The following NCALD variants were observed in gnomAD, a reference collection of about 807,000 sequenced individuals.
NCALD encodes neurocalcin-delta.
In NCALD, 10 loss-of-function variants were observed where a neutral mutation model predicts 18.6. The observed-to-expected ratio is 0.54, with a 90% CI of 0.33 to 0.91. The LOEUF is 0.91. Ranked by LOEUF, NCALD falls within the 40% of genes least tolerant of loss-of-function variation. The pLI is 0.03. For synonymous variants in NCALD, 88 were observed against 87.4 expected (o/e 1.01, Z -0.04); for missense variants, 184 against 247.6 (o/e 0.74, Z 1.72).
At chr8:101,824,097 A>T (rs1041684187) in intron 4 of NCALD, among the ~76,000 whole-genome samples, 1 of 152,248 alleles carries the variant, frequency 6.6e-6, no homozygotes, top group African/African-American at 2.4e-5. Context: ...CTCAAAGAAT[A>T]AGGGAAGAAC....
At chr8:102,054,927 C>T (rs1323001709) in intron 1 of NCALD, among the ~76,000 whole-genome samples, 1 of 152,128 alleles carries the variant, frequency 6.6e-6, no homozygotes, top group African/African-American at 2.4e-5. Context: ...TCAGAACCAT[C>T]AGATAGGGTG....
chr8:102,044,452 GAAGA>G (rs1391549154), intron 1 of NCALD, among the ~76,000 whole-genome samples: 1 of 152,140 alleles, frequency 6.6e-6, no homozygotes, highest in Non-Finnish European at 1.5e-5. Context: ...TAGCAAGCAA[GAAGA>G]GAGATGGTAT....
intron 4 of NCALD, among the ~76,000 whole-genome samples, chr8:101,802,679 G>C (rs919330717): frequency 6.6e-6 from 1 of 152,080 alleles, no homozygotes; most frequent in Non-Finnish European, 1.5e-5. Context: ...GCCAAAGTCT[G>C]TTCTTAAGCC....
chr8:101,984,660 G>C (rs1820737490), intron 2 of NCALD, among the ~76,000 whole-genome samples: 1 of 152,180 alleles, frequency 6.6e-6, no homozygotes, highest in East Asian at 1.9e-4. Flanking sequence ...CAAGCCAAGA[G>C]CTACCAAATG....
chr8:101,820,213 T>A (rs1250941558), intron 4 of NCALD, among the ~76,000 whole-genome samples: 1 of 152,204 alleles, frequency 6.6e-6, no homozygotes, highest in Non-Finnish European at 1.5e-5. Context: ...TTGCCTTTAA[T>A]AAAAATATAG....
chr8:102,036,326 A>AAT (rs967638552), intron 1 of NCALD, among the ~76,000 whole-genome samples: 3 of 151,424 alleles, frequency 2.0e-5, no homozygotes, highest in African/African-American at 4.8e-5. Context: ...AATAATACTT[A>AAT]ATATATATAT....
chr8:101,728,953 C>T (rs1816694460), intron 1 of NCALD, among the ~76,000 whole-genome samples: 3 of 152,208 alleles, frequency 2.0e-5, no homozygotes, highest in Non-Finnish European at 4.4e-5. Flanking sequence ...GGAGACACAA[C>T]TTAAAAAATG....
At chr8:102,006,156 A>C (rs1419295996) in intron 2 of NCALD, among the ~76,000 whole-genome samples, 1 of 152,164 alleles carries the variant, frequency 6.6e-6, no homozygotes, top group Non-Finnish European at 1.5e-5. Flanking sequence ...CTCAGATGGC[A>C]CTTCTTTTCT....
chr8:101,694,027 A>G (rs929247192), intron 2 of NCALD: 5 of 152,136 alleles, frequency 3.3e-5, no homozygotes, highest in African/African-American at 1.2e-4. Flanking sequence ...TGTGACCTCC[A>G]CATGGGACTC....
chr8:101,910,925 C>A (rs1817772621), intron 3 of NCALD, among the ~76,000 whole-genome samples: 1 of 152,206 alleles, frequency 6.6e-6, no homozygotes, highest in Non-Finnish European at 1.5e-5. Flanking sequence ...TGCTCTATGA[C>A]CTTCCAGCTA....
chr8:101,733,651 T>C (rs528190926), intron 1 of NCALD, among the ~76,000 whole-genome samples: 3 of 152,232 alleles, frequency 2.0e-5, no homozygotes, highest in South Asian at 4.2e-4. Flanking sequence ...GTTGGGGACA[T>C]TCTCCCCATT....
At chr8:101,879,164 T>A (rs1273337119) in intron 4 of NCALD, among the ~76,000 whole-genome samples, 1 of 152,158 alleles carries the variant, frequency 6.6e-6, no homozygotes, top group Non-Finnish European at 1.5e-5. Flanking sequence ...CTGGGGTAGA[T>A]TCTAAGTACT....
At chr8:101,729,536 G>T (rs59738602) in intron 1 of NCALD, among the ~76,000 whole-genome samples, 3 of 152,130 alleles carry the variant, frequency 2.0e-5, no homozygotes, top group African/African-American at 7.2e-5. Context: ...CTATGTGAAG[G>T]GTCATGGCCT....
intron 1 of NCALD, among the ~76,000 whole-genome samples, chr8:102,040,676 A>G (rs1290417312): frequency 6.9e-6 from 1 of 145,050 alleles, no homozygotes; most frequent in Non-Finnish European, 1.5e-5. Context: ...TCCTGGGATG[A>G]GCAGAACTAT....
At chr8:101,727,023 C>A (rs1231400604) in intron 1 of NCALD, among the ~76,000 whole-genome samples, 11 of 152,154 alleles carry the variant, frequency 7.2e-5, no homozygotes, top group East Asian at 3.9e-4. Flanking sequence ...TAAAACCATG[C>A]CCTCTTCAGT....
chr8:102,081,304 G>A (rs1824517877), intron 1 of NCALD, among the ~76,000 whole-genome samples: 1 of 152,018 alleles, frequency 6.6e-6, no homozygotes, highest in Non-Finnish European at 1.5e-5. Context: ...CTACAACTGG[G>A]TCTGCTTAGA....
At chr8:101,864,983 T>C (rs906468159) in intron 4 of NCALD, among the ~76,000 whole-genome samples, 5 of 152,332 alleles carry the variant, frequency 3.3e-5, no homozygotes, top group African/African-American at 9.6e-5. Context: ...CACGAGTTTA[T>C]AACAGATTGG....
chr8:101,727,456 C>G (rs536100360), intron 1 of NCALD, among the ~76,000 whole-genome samples: 1 of 152,102 alleles, frequency 6.6e-6, no homozygotes, highest in Non-Finnish European at 1.5e-5. Context: ...AATGAGTAAC[C>G]TTTTATAAAA....
At chr8:101,812,715 G>T (rs550932708) in intron 4 of NCALD, among the ~76,000 whole-genome samples, 2 of 152,302 alleles carry the variant, frequency 1.3e-5, no homozygotes, top group South Asian at 2.1e-4. Context: ...AAAAGAATTA[G>T]GGGCTTGAAG....
Sources: gnomAD v4.1 joint callset for allele counts (sites outside exome capture counted in the v4.1 genomes callset) on GRCh38, gnomAD v4.1.1 for gene constraint, MANE v1.5 for transcripts, NCBI Gene and HGNC (gene_info 2026-07-23, HGNC 2026-07-21) for gene names.